The following PDE3A variants were observed in gnomAD, a reference collection of about 807,000 sequenced individuals.
PDE3A encodes phosphodiesterase 3A, also known as cGMP-inhibited 3',5'-cyclic phosphodiesterase 3A.
A neutral mutation model predicts 98.3 loss-of-function variants in PDE3A; 43 were observed. The ratio of observed to expected loss-of-function variants is 0.44; its 90% CI spans 0.34 to 0.56. The LOEUF is 0.56. Ranked by LOEUF, PDE3A falls within the 20% of genes least tolerant of loss-of-function variation. The pLI, the probability that PDE3A is intolerant of heterozygous loss-of-function variation, is 0.01. For missense variants in PDE3A, 1,427 were observed against 1,440.7 expected, an observed-to-expected ratio of 0.99 and a Z score of 0.15; for synonymous variants, 663 against 567.9, an observed-to-expected ratio of 1.17 and a Z score of -2.38.
chr12:20,540,278 T>C (rs1302422655), intron 1 of PDE3A, among the ~76,000 whole-genome samples: 1 of 152,140 alleles, frequency 6.6e-6, no homozygotes, highest in East Asian at 1.9e-4. Context: ...AAGATCTAGT[T>C]TCTGGTTCTA....
chr12:20,469,951 G>A (rs1399156258), intron 1 of PDE3A, among the ~76,000 whole-genome samples: 1 of 152,166 alleles, frequency 6.6e-6, no homozygotes, highest in African/African-American at 2.4e-5. Context: ...GGACTTTCAG[G>A]AAACTCTAAA....
chr12:20,458,959 A>T (rs1023666518), intron 1 of PDE3A, among the ~76,000 whole-genome samples: 2 of 152,208 alleles, frequency 1.3e-5, no homozygotes, highest in Admixed American at 1.3e-4. Flanking sequence ...TTGAATTTAT[A>T]CAAAAAGAAT....
chr12:20,606,501 G>A (rs1040861855), intron 2 of PDE3A, among the ~76,000 whole-genome samples: 3 of 151,926 alleles, frequency 2.0e-5, no homozygotes, highest in Non-Finnish European at 4.4e-5. Flanking sequence ...ACACATATTC[G>A]AAGATTTCCC....
chr12:20,542,673 A>C (rs4502032), intron 1 of PDE3A, among the ~76,000 whole-genome samples: 72,798 of 151,848 alleles, frequency 0.48, 18,828 homozygotes, highest in South Asian at 0.59. Context: ...GCAAGAACTC[A>C]TAAATATTGT....
At chr12:20,580,224 A>T (rs1394076686) in intron 2 of PDE3A, among the ~76,000 whole-genome samples, 1 of 152,158 alleles carries the variant, frequency 6.6e-6, no homozygotes, top group Non-Finnish European at 1.5e-5. Flanking sequence ...ACTTGGGGGT[A>T]GAGAATTGTG....
intron 1 of PDE3A, among the ~76,000 whole-genome samples, chr12:20,511,501 T>C (rs1372002569): frequency 1.3e-5 from 2 of 151,748 alleles, no homozygotes; most frequent in Non-Finnish European, 2.9e-5. Context: ...CTGAAAGAGT[T>C]CCCAATGGCT....
Position 20,646,934 on chromosome 12 carries a change from C to T in PDE3A, c.2549C>T (p.Ala850Val), listed in dbSNP as rs1165949268. The change falls in exon 12 of 16, where the codon GCA (alanine) becomes GTA (valine). Residue 850 changes from alanine (A) to valine (V), a missense_variant. Around this residue, in one of 3 missense-constraint regions of PDE3A, gnomAD observed 273 missense variants for 420.3 expected, o/e 0.65. Coordinates refer to ENST00000359062, the MANE Select transcript of PDE3A (RefSeq NM_000921.5). Reference protein sequence around the residue: ...HPGRTNAFLVATSAPQAVLYN... With the variant: ...HPGRTNAFLVVTSAPQAVLYN... ...GGAAGGACTAATGCTTTCCTGGTTG[C>T]AACTAGTGCTCCTCAGGTAAATCTT... is the stretch of plus-strand genomic sequence containing the variant. 6.2e-7 allele frequency: 1 copy of T among 1,611,986 alleles called. No individual in the cohort carries two copies. Among genetic ancestry groups the T allele is most frequent in the African/African-American group, 1.3e-5 (1 of 74,972 alleles).
chr12:20,429,005 A>G (rs1451570602), intron 1 of PDE3A, among the ~76,000 whole-genome samples: 1 of 152,238 alleles, frequency 6.6e-6, no homozygotes, highest in Non-Finnish European at 1.5e-5. Flanking sequence ...ACAAAAGAAC[A>G]TCTCTTCATT....
chr12:20,447,058 A>T (rs1565552185), intron 1 of PDE3A, among the ~76,000 whole-genome samples: 1 of 152,182 alleles, frequency 6.6e-6, no homozygotes, highest in Admixed American at 6.5e-5. Flanking sequence ...TTTTATTCTG[A>T]TAAAGACATT....
intron 2 of PDE3A, among the ~76,000 whole-genome samples, chr12:20,605,162 A>G (rs1943682018): frequency 6.6e-6 from 1 of 152,200 alleles, no homozygotes; most frequent in Non-Finnish European, 1.5e-5. Flanking sequence ...TTGTTAGTCT[A>G]TGTAATTTAC....
intron 1 of PDE3A, among the ~76,000 whole-genome samples, chr12:20,408,356 G>A (rs1944272048): frequency 6.6e-6 from 1 of 152,050 alleles, no homozygotes; most frequent in Non-Finnish European, 1.5e-5. Flanking sequence ...TATTGGTATG[G>A]AATCTGCATA....
At chr12:20,537,985 A>T (rs889806520) in intron 1 of PDE3A, among the ~76,000 whole-genome samples, 4 of 152,178 alleles carry the variant, frequency 2.6e-5, no homozygotes, top group Non-Finnish European at 5.9e-5. Flanking sequence ...TTGATGTGTT[A>T]TATACATGGT....
chr12:20,561,802 T>A (rs905937735), intron 2 of PDE3A, among the ~76,000 whole-genome samples: 3 of 152,214 alleles, frequency 2.0e-5, no homozygotes, highest in Non-Finnish European at 4.4e-5. Context: ...ATACTTGTCC[T>A]ATAGAAAAAT....
chr12:20,525,823 A>G (rs886394762), intron 1 of PDE3A, among the ~76,000 whole-genome samples: 3 of 152,198 alleles, frequency 2.0e-5, no homozygotes, highest in African/African-American at 7.2e-5. Flanking sequence ...AGAAAAGTTG[A>G]CAAAATCAGA....
chr12:20,589,852 G>A (rs1943288636), intron 2 of PDE3A, among the ~76,000 whole-genome samples: 1 of 125,506 alleles, frequency 8.0e-6, no homozygotes, highest in Admixed American at 9.8e-5. Flanking sequence ...CTGGGCGACA[G>A]AGCAAGACTG....
intron 1 of PDE3A, among the ~76,000 whole-genome samples, chr12:20,456,144 G>A (rs533019939): frequency 2.0e-5 from 3 of 152,072 alleles, no homozygotes; most frequent in Non-Finnish European, 4.4e-5. Flanking sequence ...GCACTCCTTC[G>A]ATGAGCAGGA....
At chr12:20,481,881 C>T (rs1037670221) in intron 1 of PDE3A, among the ~76,000 whole-genome samples, 4 of 147,340 alleles carry the variant, frequency 2.7e-5, no homozygotes, top group Admixed American at 7.0e-5. Context: ...TTTCCTGCCT[C>T]AGCCTCCCGA....
chr12:20,468,828 A>G (rs1945388000), intron 1 of PDE3A, among the ~76,000 whole-genome samples: 1 of 152,234 alleles, frequency 6.6e-6, no homozygotes, highest in African/African-American at 2.4e-5. Flanking sequence ...AAGAGCCACT[A>G]AGCATCCTCT....
At chr12:20,634,069 G>C (rs757850883) in intron 7 of PDE3A, among the ~76,000 whole-genome samples, 3 of 152,080 alleles carry the variant, frequency 2.0e-5, no homozygotes, top group Non-Finnish European at 4.4e-5. Flanking sequence ...CTACTCTCTA[G>C]AGTTAATCAT....
Sources: allele counts gnomAD v4.1 joint callset (sites outside exome capture counted in the v4.1 genomes callset), GRCh38; gene constraint gnomAD v4.1.1; regional missense constraint gnomAD v4.1.1; transcripts MANE v1.5; gene names NCBI Gene and HGNC (gene_info 2026-07-23, HGNC 2026-07-21).